Variants in SIL1 observed in about 807,000 individuals in gnomAD.
SIL1 encodes the protein nucleotide exchange factor SIL1.
A neutral mutation model predicts 49.1 loss-of-function variants in SIL1; 40 were observed. The observed-to-expected ratio is 0.81, with a 90% confidence interval of 0.63 to 1.06. SIL1 has a LOEUF of 1.06. Ranked by LOEUF, SIL1 falls within the 50% of genes least tolerant of loss-of-function variation. The pLI, the probability that SIL1 is intolerant of heterozygous loss-of-function variation, is 0.00. For synonymous variants in SIL1, 253 were observed against 250.8 expected (o/e 1.01, Z -0.08); for missense variants, 500 against 572.6 (o/e 0.87, Z 1.29).
intron 1 of SIL1, among the ~76,000 whole-genome samples, chr5:139,156,607 C>G (rs1751411938): frequency 6.6e-6 from 1 of 152,098 alleles, no homozygotes. Context: ...TCACAAGAAG[C>G]TGAGGGAGAT....
At chr5:138,970,834 G>A (rs1156500163) in intron 7 of SIL1, among the ~76,000 whole-genome samples, 2 of 152,074 alleles carry the variant, frequency 1.3e-5, no homozygotes, top group African/African-American at 4.8e-5. Context: ...CCTGGGAGGG[G>A]GAGGTTGCAG....
At chr5:139,033,361 T>A (rs565101049) in intron 5 of SIL1, among the ~76,000 whole-genome samples, 1 of 152,022 alleles carries the variant, frequency 6.6e-6, no homozygotes, top group African/African-American at 2.4e-5. Context: ...ACTGTTTTCA[T>A]GTTTTCAATT....
chr5:139,177,965 A>T (rs775857411), intron 1 of SIL1, among the ~76,000 whole-genome samples: 1 of 152,242 alleles, frequency 6.6e-6, no homozygotes, highest in Non-Finnish European at 1.5e-5. Flanking sequence ...TAAGTGGTCT[A>T]AGGTGAAGGG....
chr5:138,971,696 C>G (rs1379895599), intron 7 of SIL1, among the ~76,000 whole-genome samples: 1 of 152,152 alleles, frequency 6.6e-6, no homozygotes, highest in African/African-American at 2.4e-5. Flanking sequence ...TCCAATATAC[C>G]CCTACATCCT....
At chr5:139,184,951 C>T (rs962246039) in intron 1 of SIL1, among the ~76,000 whole-genome samples, 2 of 152,220 alleles carry the variant, frequency 1.3e-5, no homozygotes, top group African/African-American at 4.8e-5. Context: ...GAAGACCACA[C>T]ATGGGTCTGC....
chr5:139,129,161 G>A (rs1321395478), intron 1 of SIL1, among the ~76,000 whole-genome samples: 1 of 152,096 alleles, frequency 6.6e-6, no homozygotes, highest in Non-Finnish European at 1.5e-5. Flanking sequence ...AGTAAAAGAA[G>A]AAAGTTAGAG....
chr5:139,106,194 A>G (rs900267126), intron 3 of SIL1, among the ~76,000 whole-genome samples: 2 of 152,270 alleles, frequency 1.3e-5, no homozygotes, highest in South Asian at 4.1e-4. Flanking sequence ...AATCCTCCCA[A>G]TCCATACTCA....
chr5:139,052,114 TTC>T (rs1299942122), intron 3 of SIL1, among the ~76,000 whole-genome samples: 1 of 152,094 alleles, frequency 6.6e-6, no homozygotes, highest in East Asian at 1.9e-4. Context: ...ACAGCACAAG[TTC>T]TCTCAAATAA....
intron 7 of SIL1, among the ~76,000 whole-genome samples, chr5:138,972,429 A>G (rs1009518043): frequency 6.6e-6 from 1 of 152,272 alleles, no homozygotes; most frequent in African/African-American, 2.4e-5. Flanking sequence ...AAGAACCTCA[A>G]GCTGGGCTAA....
chr5:138,985,897 G>C (rs554415050), intron 7 of SIL1, among the ~76,000 whole-genome samples: 6 of 152,296 alleles, frequency 3.9e-5, no homozygotes, highest in African/African-American at 1.4e-4. Flanking sequence ...GCTGATGAAG[G>C]CAAACCCTGC....
intron 1 of SIL1, among the ~76,000 whole-genome samples, chr5:139,156,043 G>A (rs1187049618): frequency 6.6e-6 from 1 of 152,098 alleles, no homozygotes; most frequent in African/African-American, 2.4e-5. Context: ...ATGTTGGCCA[G>A]GCTGGTCTTG....
intron 2 of SIL1, among the ~76,000 whole-genome samples, chr5:139,121,719 G>A (rs971393244): frequency 6.6e-6 from 1 of 152,188 alleles, no homozygotes; most frequent in African/African-American, 2.4e-5. Flanking sequence ...GTGCCTATGA[G>A]CCATTGCAAA....
At chr5:139,040,484 CTTTTTTCTTTTTTCTT>C (rs1450958170) in intron 5 of SIL1, among the ~76,000 whole-genome samples, 2 of 89,410 alleles carry the variant, frequency 2.2e-5, no homozygotes, top group African/African-American at 1.0e-4. Flanking sequence ...AGTATTTTTT[CTTTTTTCTTTTTTCTT>C]TTTTTTTTTT....
At chr5:139,045,884 A>G (rs1357719065) in intron 4 of SIL1, among the ~76,000 whole-genome samples, 1 of 152,104 alleles carries the variant, frequency 6.6e-6, no homozygotes, top group Non-Finnish European at 1.5e-5. Flanking sequence ...TAAATCTCCA[A>G]ATTCATTCAG....
Position 139,021,308 on chromosome 5 carries a change from TGCTTAGTACA to T in SIL1, c.646-26_646-17del. On this transcript the variant is annotated splice_polypyrimidine_tract_variant and intron_variant, in intron 6 of 9. Transcript: ENST00000394817. ...CATTGTCCATCTGCAACAGAGCCAC[TGCTTAGTACA>T]GCATAGCCATCAGGGACAGGAAAGC... The T allele has an allele frequency of 6.2e-7, 1 of 1,614,068 alleles. No individual in the cohort carries two copies. The highest frequency in any genetic ancestry group is 8.5e-7 in the Non-Finnish European group (1 of 1,179,978).
intron 7 of SIL1, among the ~76,000 whole-genome samples, chr5:138,985,270 T>C (rs1477978287): frequency 2.6e-5 from 4 of 152,236 alleles, no homozygotes; most frequent in Non-Finnish European, 4.4e-5. Context: ...GCTGTACTTG[T>C]TTCCATCTAG....
At chr5:138,954,037 C>A (rs1561803001) in intron 7 of SIL1, among the ~76,000 whole-genome samples, 1 of 152,194 alleles carries the variant, frequency 6.6e-6, no homozygotes, top group Non-Finnish European at 1.5e-5. Context: ...CTTCCACTTT[C>A]TGCACTGTGA....
chr5:139,095,527 G>T (rs138770724), intron 3 of SIL1, among the ~76,000 whole-genome samples: 16 of 152,310 alleles, frequency 1.1e-4, no homozygotes, highest in Non-Finnish European at 2.1e-4. Context: ...CTCTCAAACT[G>T]CTGGGATTAC....
At chr5:139,075,732 T>C (rs547070351) in intron 3 of SIL1, among the ~76,000 whole-genome samples, 59 of 152,246 alleles carry the variant, frequency 3.9e-4, no homozygotes, top group Non-Finnish European at 7.8e-4. Context: ...TGCCCCATTA[T>C]ACTGAATTGA....
Sources: allele counts gnomAD v4.1 joint callset (sites outside exome capture counted in the v4.1 genomes callset), GRCh38; gene constraint gnomAD v4.1.1; transcripts MANE v1.5; gene names NCBI Gene and HGNC (gene_info 2026-07-23, HGNC 2026-07-21).